The following KLF8 variants were observed in gnomAD, a reference collection of about 807,000 sequenced individuals.
KLF8 encodes KLF transcription factor 8.
In KLF8, 10 loss-of-function variants were observed where a neutral mutation model predicts 18.2. That is an observed-to-expected ratio of 0.55 (90% CI 0.34 to 0.93). The LOEUF (loss-of-function observed/expected upper bound fraction) is 0.93, where lower values mean the gene tolerates loss of function less well. Among genes scored for constraint, KLF8 ranks in the 40% least tolerant of loss-of-function variants. The pLI is 0.02. For synonymous variants in KLF8, 109 were observed against 97.3 expected, an observed-to-expected ratio of 1.12 and a Z score of -0.71; for missense variants, 264 against 277.9, an observed-to-expected ratio of 0.95 and a Z score of 0.36.
At chrX:56,050,724 C>T in the KLF8 span, among the ~76,000 whole-genome samples, 28 of 111,963 alleles carry the variant, frequency 2.5e-4, no homozygotes, top group Non-Finnish European at 4.3e-4. Flanking sequence ...TGGTGTGGTA[C>T]TGAAAAAAAT....
chrX:55,913,133 C>G, the KLF8 span, among the ~76,000 whole-genome samples: 1 of 112,024 alleles, frequency 8.9e-6, no homozygotes, highest in Non-Finnish European at 1.9e-5. Flanking sequence ...TGAAACTGTT[C>G]TTGCCAAAGT....
the KLF8 span, among the ~76,000 whole-genome samples, chrX:56,058,403 A>G: frequency 7.3e-5 from 7 of 95,955 alleles, no homozygotes; most frequent in Non-Finnish European, 1.2e-4. Context: ...AGTTTGTTAC[A>G]TAGGTATACA....
At chrX:56,196,388 T>C in the KLF8 span, among the ~76,000 whole-genome samples, 6 of 109,191 alleles carry the variant, frequency 5.5e-5, no homozygotes, top group African/African-American at 2.0e-4. Flanking sequence ...TGAAGGAAGA[T>C]TTACCAAGCA....
chrX:56,199,699 A>T, the KLF8 span, among the ~76,000 whole-genome samples: 2 of 111,889 alleles, frequency 1.8e-5, no homozygotes, highest in Non-Finnish European at 3.8e-5. Flanking sequence ...TAGAACTAGA[A>T]TTACCATTTG....
chrX:56,270,386 G>T, intron 5 of KLF8, 65 bp downstream of exon 5: 1 of 721,563 alleles, frequency 1.4e-6, no homozygotes, highest in Non-Finnish European at 1.9e-6. Flanking sequence ...ACACACGAGA[G>T]AGAGAGAGAG....
chrX:56,027,313 G>A, the KLF8 span, among the ~76,000 whole-genome samples: 3 of 111,763 alleles, frequency 2.7e-5, no homozygotes, highest in East Asian at 2.8e-4. Flanking sequence ...GAGTTTCCTC[G>A]GCTCACTGAG....
At chrX:56,055,082 G>T in the KLF8 span, among the ~76,000 whole-genome samples, 3 of 111,328 alleles carry the variant, frequency 2.7e-5, no homozygotes, top group Non-Finnish European at 3.8e-5. Flanking sequence ...TACCTTCAAG[G>T]TTAGTATTGA....
chrX:55,916,398 A>T, the KLF8 span, among the ~76,000 whole-genome samples: 1 of 111,894 alleles, frequency 8.9e-6, no homozygotes, highest in Non-Finnish European at 1.9e-5. Flanking sequence ...CTGTGCTCCC[A>T]GTGGCCTAGT....
chrX:56,021,631 G>A, the KLF8 span, among the ~76,000 whole-genome samples: 1 of 104,279 alleles, frequency 9.6e-6, no homozygotes, highest in African/African-American at 3.5e-5. Flanking sequence ...TTTTCCCATT[G>A]AATTTTTTTG....
the KLF8 span, among the ~76,000 whole-genome samples, chrX:55,986,992 T>C: frequency 9.0e-6 from 1 of 111,640 alleles, no homozygotes; most frequent in African/African-American, 3.3e-5. Context: ...TTCCATATTA[T>C]ATATGTACCA....
chrX:56,056,651 G>C, the KLF8 span, among the ~76,000 whole-genome samples: 1 of 64,602 alleles, frequency 1.5e-5, no homozygotes. Context: ...GACTGTGGTG[G>C]GGTGGGGGGA....
the KLF8 span, among the ~76,000 whole-genome samples, chrX:56,145,082 A>G: frequency 2.7e-5 from 3 of 111,165 alleles, no homozygotes; most frequent in African/African-American, 9.8e-5. Context: ...CATGAGCCAC[A>G]GCGCCCAGCC....
chrX:56,131,961 C>A, the KLF8 span, among the ~76,000 whole-genome samples: 1 of 111,772 alleles, frequency 8.9e-6, no homozygotes, highest in Non-Finnish European at 1.9e-5. Flanking sequence ...TATATATGCA[C>A]CTAACACTGG....
intron 1 of KLF8, among the ~76,000 whole-genome samples, chrX:56,247,859 C>T (rs1043358842): frequency 1.8e-5 from 2 of 111,133 alleles, no homozygotes; most frequent in Non-Finnish European, 3.8e-5. Flanking sequence ...GGAGTACACT[C>T]TAAAATGATG....
chrX:55,914,780 C>T, the KLF8 span, among the ~76,000 whole-genome samples: 1 of 111,316 alleles, frequency 9.0e-6, no homozygotes, highest in Non-Finnish European at 1.9e-5. Context: ...TTATGGCTGA[C>T]ACATAAGTTG....
the KLF8 span, among the ~76,000 whole-genome samples, chrX:55,999,814 T>G: frequency 2.7e-5 from 3 of 111,976 alleles, no homozygotes; most frequent in African/African-American, 9.7e-5. Flanking sequence ...TTCAACTTCT[T>G]CATTTCCTAT....
chrX:56,027,853 G>A, the KLF8 span, among the ~76,000 whole-genome samples: 2 of 112,626 alleles, frequency 1.8e-5, no homozygotes, highest in Admixed American at 1.9e-4. Context: ...GTTATGCGGG[G>A]GTTTTCACAC....
chrX:56,196,631 C>T, the KLF8 span, among the ~76,000 whole-genome samples: 1 of 111,199 alleles, frequency 9.0e-6, no homozygotes, highest in African/African-American at 3.3e-5. Flanking sequence ...GACTTAGAAT[C>T]CCACACAATA....
At chrX:56,052,538 C>T in the KLF8 span, among the ~76,000 whole-genome samples, 1 of 111,846 alleles carries the variant, frequency 8.9e-6, no homozygotes, top group African/African-American at 3.3e-5. Context: ...TGTGAGGTGT[C>T]AGTGTGCCCC....
Sources: allele counts gnomAD v4.1 joint callset (sites outside exome capture counted in the v4.1 genomes callset), GRCh38; gene constraint gnomAD v4.1.1; transcripts MANE v1.5; gene names NCBI Gene and HGNC (gene_info 2026-07-23, HGNC 2026-07-21).